LAMC2: variants seen among roughly 807,000 people sequenced by gnomAD.
LAMC2 encodes the protein laminin subunit gamma 2.
Under a neutral mutation model 140.2 loss-of-function variants are expected in LAMC2, and 97 were observed. The observed-to-expected ratio is 0.69, with a 90% confidence interval of 0.59 to 0.82. The LOEUF (loss-of-function observed/expected upper bound fraction) is 0.82, where lower values mean the gene tolerates loss of function less well. LAMC2 is among the 40% of genes least tolerant of loss of function. LAMC2 has a pLI of 0.00. For synonymous variants in LAMC2, 513 were observed against 540.2 expected (o/e 0.95, Z 0.70); for missense variants, 1,402 against 1,476.1 (o/e 0.95, Z 0.82).
At chr1:183,251,700 G>A in the LAMC2 span, 8 of 152,930 alleles carry the variant, frequency 5.2e-5, no homozygotes, top group African/African-American at 1.9e-4. Flanking sequence ...CAGGAAATGA[G>A]GATGGACTGG....
chr1:183,205,635 G>A (rs1459102369), intron 1 of LAMC2, among the ~76,000 whole-genome samples: 1 of 152,136 alleles, frequency 6.6e-6, no homozygotes, highest in African/African-American at 2.4e-5. Flanking sequence ...TGAAAGACTT[G>A]GAGATGACAG....
intron 2 of LAMC2, among the ~76,000 whole-genome samples, chr1:183,214,002 T>C (rs1309974436): frequency 6.6e-6 from 1 of 151,018 alleles, no homozygotes; most frequent in Non-Finnish European, 1.5e-5. Flanking sequence ...AAGGTGGAGG[T>C]TGCTGACCTA....
chr1:183,209,459 C>T (rs1283961101), intron 2 of LAMC2, among the ~76,000 whole-genome samples: 3 of 152,298 alleles, frequency 2.0e-5, no homozygotes, highest in East Asian at 3.9e-4. Flanking sequence ...CCCAAATTCA[C>T]CTAAGTTGCT....
At chr1:183,238,499 T>C in intron 19 of LAMC2, 78 bp downstream of exon 19, 1 of 894,686 alleles carries the variant, frequency 1.1e-6, no homozygotes, top group Non-Finnish European at 1.9e-6. Context: ...TTCTCATATG[T>C]CTCTCTAAGT....
chr1:183,205,914 G>C (rs1658871234), intron 1 of LAMC2, among the ~76,000 whole-genome samples: 1 of 152,080 alleles, frequency 6.6e-6, no homozygotes, highest in African/African-American at 2.4e-5. Context: ...TACAGAAAGA[G>C]AGGTAGATTT....
intron 1 of LAMC2, among the ~76,000 whole-genome samples, chr1:183,204,486 G>A (rs1373617289): frequency 1.3e-5 from 2 of 150,240 alleles, no homozygotes; most frequent in Admixed American, 6.6e-5. Flanking sequence ...ACAAAAATTA[G>A]TTGGGCATGG....
At chr1:183,195,819 G>A (rs924067235) in intron 1 of LAMC2, among the ~76,000 whole-genome samples, 2 of 103,670 alleles carry the variant, frequency 1.9e-5, no homozygotes, top group Non-Finnish European at 4.5e-5. Context: ...AATGATGAAG[G>A]ATTCAGATTT....
chr1:183,240,430 C>T, intron 22 of LAMC2, 39 bp downstream of exon 22: 3 of 1,612,148 alleles, frequency 1.9e-6, no homozygotes, highest in Non-Finnish European at 2.5e-6. Flanking sequence ...CAGCTCCATG[C>T]TCCAGGGCTT....
chr1:183,223,109 C>T (rs1298329553), intron 6 of LAMC2, 26 bp from the exon 7 acceptor site: 12 of 1,609,818 alleles, frequency 7.5e-6, no homozygotes, highest in Non-Finnish European at 1.0e-5. Context: ...CAACTGATCT[C>T]AATCTTTTAA....
chr1:183,247,776 T>A (rs1660269383), downstream of LAMC2, among the ~76,000 whole-genome samples: 1 of 152,238 alleles, frequency 6.6e-6, no homozygotes, highest in African/African-American at 2.4e-5. Context: ...CACAGCAGGA[T>A]TGAACAGTTA....
intron 11 of LAMC2, among the ~76,000 whole-genome samples, chr1:183,229,537 C>T (rs892566463): frequency 1.3e-4 from 19 of 149,984 alleles, no homozygotes; most frequent in African/African-American, 4.4e-4. Context: ...CTCAGGAGGC[C>T]GAGGCACAAG....
intron 18 of LAMC2, 42 bp from the exon 19 acceptor site, chr1:183,238,265 G>C (rs762212676): frequency 2.8e-6 from 4 of 1,433,778 alleles, no homozygotes; most frequent in Non-Finnish European, 3.9e-6. Context: ...TTGCCAGCAG[G>C]AATGTACTTC....
chr1:183,211,827 C>A (rs1223235431), intron 2 of LAMC2, among the ~76,000 whole-genome samples: 1 of 152,166 alleles, frequency 6.6e-6, no homozygotes. Context: ...AAATATTTAT[C>A]ATTTTTTAAT....
intron 11 of LAMC2, among the ~76,000 whole-genome samples, chr1:183,229,800 C>T (rs1046497253): frequency 2.0e-5 from 3 of 152,104 alleles, no homozygotes; most frequent in Admixed American, 6.6e-5. Flanking sequence ...GAGGCTTCTA[C>T]TTAGTGGTAC....
intron 4 of LAMC2, among the ~76,000 whole-genome samples, chr1:183,219,692 A>C (rs1349496372): frequency 6.6e-6 from 1 of 152,030 alleles, no homozygotes; most frequent in African/African-American, 2.4e-5. Context: ...CATAGAAACC[A>C]TAATAATTCT....
In LAMC2 at chr1:183,237,464, A is replaced by C. The variant is rs773320829; in HGVS notation, c.2714A>C (p.Glu905Ala). ...TQKNLGNWKE[E>A]AQQLLQNGKS... ...AAGAATCTGGGAAACTGGAAAGAAGAAGCACAGCAGCTCTTACAGAATGGA... is the reference window on the plus strand; with the variant it reads ...AAGAATCTGGGAAACTGGAAAGAAGCAGCACAGCAGCTCTTACAGAATGGA... The change falls in exon 18 of 23, where the codon GAA (glutamate) becomes GCA (alanine). Residue 905 changes from glutamate to alanine, a missense_variant. Physicochemically the swap from Glu to Ala is moderately radical, Grantham distance 107. Around this residue, in one of 3 missense-constraint regions of LAMC2, gnomAD observed 670 missense variants for 667.2 expected, o/e 1.00. Transcript: ENST00000264144. The C allele has an allele frequency of 8.1e-6, 13 of 1,614,090 alleles. No individual in the cohort carries two copies. The highest frequency in any genetic ancestry group is 7.6e-6 in the Non-Finnish European group (9 of 1,180,024).
intron 1 of LAMC2, among the ~76,000 whole-genome samples, chr1:183,200,232 C>T (rs1039648671): frequency 5.3e-5 from 8 of 151,914 alleles, no homozygotes; most frequent in Non-Finnish European, 1.0e-4. Context: ...CTCTAATAAA[C>T]ATACAAAATC....
chr1:183,190,257 G>A (rs939200850), intron 1 of LAMC2, among the ~76,000 whole-genome samples: 2 of 152,128 alleles, frequency 1.3e-5, no homozygotes, highest in African/African-American at 4.8e-5. Context: ...ATAGATTACT[G>A]TTATTGTTAC....
intron 2 of LAMC2, among the ~76,000 whole-genome samples, chr1:183,213,844 T>C (rs1571516748): frequency 6.8e-6 from 1 of 146,118 alleles, no homozygotes; most frequent in African/African-American, 2.5e-5. Context: ...GGCAGGCAGA[T>C]CACCTAAGAT....
Sources: allele counts gnomAD v4.1 joint callset (sites outside exome capture counted in the v4.1 genomes callset), GRCh38; gene constraint gnomAD v4.1.1; regional missense constraint gnomAD v4.1.1; transcripts MANE v1.5; gene names NCBI Gene and HGNC (gene_info 2026-07-23, HGNC 2026-07-21).